CRLF3: variants seen among roughly 807,000 people sequenced by gnomAD.
CRLF3 encodes cytokine receptor-like factor 3.
Under a neutral mutation model 55.0 loss-of-function variants are expected in CRLF3, and 33 were observed. The observed-to-expected ratio is 0.60, with a 90% CI of 0.46 to 0.80. The LOEUF is 0.80. Ranked by LOEUF, CRLF3 falls within the 30% of genes least tolerant of loss-of-function variation. The probability of loss-of-function intolerance (pLI) is 0.00; values close to 1 mark genes in which losing one functional copy is unlikely to be tolerated. For missense variants in CRLF3, 494 were observed against 538.4 expected (o/e 0.92, Z 0.82); for synonymous variants, 238 against 196.8 (o/e 1.21, Z -1.75).
At chr17:30,809,172 T>C (rs1224286140) in intron 1 of CRLF3, among the ~76,000 whole-genome samples, 1 of 152,086 alleles carries the variant, frequency 6.6e-6, no homozygotes, top group African/African-American at 2.4e-5. Context: ...TTTCAGAACC[T>C]CAGAAAAAAG....
At chr17:30,823,328 G>C (rs193105190) in intron 1 of CRLF3, among the ~76,000 whole-genome samples, 1 of 151,656 alleles carries the variant, frequency 6.6e-6, no homozygotes, top group Non-Finnish European at 1.5e-5. Context: ...TAGTGCCACT[G>C]CACTCCACCC....
At chr17:30,791,580 T>G (rs978526511) in intron 6 of CRLF3, among the ~76,000 whole-genome samples, 2 of 149,610 alleles carry the variant, frequency 1.3e-5, no homozygotes, top group African/African-American at 4.9e-5. Context: ...TGCAGTGGCG[T>G]GATCTCGGCT....
rs1597937571 is a variant in CRLF3 at position 30,824,324 on chromosome 17, C to A, written c.129+199G>T. The stretch of plus-strand genomic sequence containing the variant: ...GAACGCTCCTCACACCCTCCCTCCA[C>A]CCCCAAAACTTCCCCTTACGACCTC... On this transcript the variant is annotated intron_variant, in intron 1 of 7. Coordinates refer to ENST00000324238, the MANE Select transcript of CRLF3 (RefSeq NM_015986.4). 4.0e-5 allele frequency among the ~76,000 whole-genome samples: 6 copies of A among 150,874 alleles called. 1 individual carries two copies. The highest frequency in any genetic ancestry group is 6.7e-5 in the Admixed American group (1 of 14,988).
At chr17:30,790,778 A>G (rs979649416) in intron 6 of CRLF3, 4 of 150,766 alleles carry the variant, frequency 2.7e-5, no homozygotes, top group African/African-American at 9.8e-5. Flanking sequence ...CACCACACCC[A>G]GCTAATTTTT....
At chr17:30,801,640 AG>A in intron 2 of CRLF3, among the ~76,000 whole-genome samples, 1 of 151,960 alleles carries the variant, frequency 6.6e-6, no homozygotes, top group Non-Finnish European at 1.5e-5. Context: ...CATGTTGGCC[AG>A]GTTAGTCTCA....
intron 2 of CRLF3, among the ~76,000 whole-genome samples, chr17:30,799,181 G>A (rs1362351235): frequency 6.6e-6 from 1 of 151,482 alleles, no homozygotes; most frequent in Non-Finnish European, 1.5e-5. Flanking sequence ...GCTGAGGCAG[G>A]AAAATCGCTT....
chr17:30,782,997 T>C lies in CRLF3; in HGVS notation c.*1190A>G, dbSNP rs937999130. 1 of 152,168 alleles carries C rather than the reference T, an allele frequency of 6.6e-6. No individual in the cohort carries two copies. The highest frequency in any genetic ancestry group is 1.5e-5 in the Non-Finnish European group (1 of 68,048). The allele number at this position is 152,168 out of a possible 1,614,324, so 9.4% of individuals were successfully genotyped here. ...CATATTAAAGTCCTTCAAATAAATA[T>C]TTTACACACAAATTTAAGTAAGTTT... On this transcript the variant is annotated 3_prime_UTR_variant, in exon 8 of 8. Coordinates refer to ENST00000324238, the MANE Select transcript of CRLF3 (RefSeq NM_015986.4).
rs1340978409 is a variant in CRLF3 at position 30,782,784 on chromosome 17, AT to A, written c.*1402del. ...CTAAACAAGTGGAAATCTACTACTT[AT>A]ATATAAAAAGACAAGTAGAAAAGGT... is the stretch of plus-strand genomic sequence containing the variant. On this transcript the variant is annotated 3_prime_UTR_variant, in exon 8 of 8. Transcript: ENST00000324238. 1.3e-4 allele frequency: 20 copies of A among 152,234 alleles called. No homozygotes were observed. The highest frequency in any genetic ancestry group is 4.8e-4 in the African/African-American group (20 of 41,462). 9.4% of individuals were successfully genotyped at this position (152,234 alleles called of 1,614,324 possible).
intron 1 of CRLF3, among the ~76,000 whole-genome samples, chr17:30,815,611 T>C (rs1269184318): frequency 6.8e-6 from 1 of 147,426 alleles, no homozygotes; most frequent in African/African-American, 2.5e-5. Flanking sequence ...TGGCGCAATC[T>C]CGGCTCACTG....
chr17:30,786,980 G>C (rs759414833), intron 6 of CRLF3, among the ~76,000 whole-genome samples: 1 of 152,074 alleles, frequency 6.6e-6, no homozygotes, highest in Non-Finnish European at 1.5e-5. Flanking sequence ...GATTAGAGGC[G>C]TGAGCCACCA....
chr17:30,799,200 G>A (rs1321420090), intron 2 of CRLF3, among the ~76,000 whole-genome samples: 3 of 152,062 alleles, frequency 2.0e-5, no homozygotes, highest in Non-Finnish European at 4.4e-5. Flanking sequence ...TTGAACCTGC[G>A]AGGCGTAGGC....
At chr17:30,823,980 A>G (rs942377362) in intron 1 of CRLF3, among the ~76,000 whole-genome samples, 6 of 152,072 alleles carry the variant, frequency 3.9e-5, no homozygotes, top group African/African-American at 1.4e-4. Flanking sequence ...CGTATGACAT[A>G]TTATTCAGGC....
At chr17:30,807,517 C>CTTT (rs778842582) in intron 1 of CRLF3, among the ~76,000 whole-genome samples, 1,668 of 63,002 alleles carry the variant, frequency 0.026, 191 homozygotes, top group African/African-American at 0.052. Context: ...ATTTTCTTTC[C>CTTT]TTTTTTTTTT....
At chr17:30,821,459 G>A (rs946301043) in intron 1 of CRLF3, among the ~76,000 whole-genome samples, 3 of 152,018 alleles carry the variant, frequency 2.0e-5, no homozygotes, top group Admixed American at 6.6e-5. Flanking sequence ...CTGAAAACAT[G>A]TCCACACAAA....
chr17:30,799,134 G>T (rs1317767421), intron 2 of CRLF3, among the ~76,000 whole-genome samples: 1 of 151,558 alleles, frequency 6.6e-6, no homozygotes, highest in African/African-American at 2.4e-5. Flanking sequence ...TTTGCTGGGC[G>T]TGGTGGCGGG....
At chr17:30,815,139 G>A (rs1904755326) in intron 1 of CRLF3, among the ~76,000 whole-genome samples, 1 of 125,198 alleles carries the variant, frequency 8.0e-6, no homozygotes, top group Admixed American at 1.0e-4. Context: ...AAGCTGGAAT[G>A]CAGTGGCGCA....
intron 2 of CRLF3, among the ~76,000 whole-genome samples, chr17:30,797,988 C>CATA (rs771711578): frequency 0.12 from 18,279 of 149,048 alleles, 1,206 homozygotes; most frequent in South Asian, 0.24. Context: ...CTATGTTGCC[C>CATA]AGGCTGGGCA....
intron 6 of CRLF3, among the ~76,000 whole-genome samples, chr17:30,790,210 C>T (rs559029317): frequency 2.0e-5 from 3 of 152,054 alleles, no homozygotes; most frequent in Non-Finnish European, 2.9e-5. Flanking sequence ...GGCCTGAGAA[C>T]AAAAGGAACT....
intron 4 of CRLF3, among the ~76,000 whole-genome samples, chr17:30,793,986 A>G (rs973958035): frequency 6.6e-6 from 1 of 152,006 alleles, no homozygotes; most frequent in Admixed American, 6.6e-5. Flanking sequence ...TTTCAGGTGC[A>G]CACCACCATG....
Sources: gnomAD v4.1 joint callset for allele counts (sites outside exome capture counted in the v4.1 genomes callset) on GRCh38, gnomAD v4.1.1 for gene constraint, MANE v1.5 for transcripts, NCBI Gene and HGNC (gene_info 2026-07-23, HGNC 2026-07-21) for gene names.